TNFRSF21: variants seen among roughly 807,000 people sequenced by gnomAD.
TNFRSF21 encodes tumor necrosis factor receptor superfamily member 21.
Under a neutral mutation model 45.6 loss-of-function variants are expected in TNFRSF21, and 19 were observed. The observed-to-expected ratio is 0.42, with a 90% CI of 0.29 to 0.61. TNFRSF21 has a LOEUF of 0.61. Ranked by LOEUF, TNFRSF21 falls within the 20% of genes least tolerant of loss-of-function variation. The probability of loss-of-function intolerance (pLI) is 0.23; values close to 1 mark genes in which losing one functional copy is unlikely to be tolerated. For synonymous variants in TNFRSF21, 314 were observed against 335.5 expected, an observed-to-expected ratio of 0.94 and a Z score of 0.70; for missense variants, 737 against 851.5, an observed-to-expected ratio of 0.87 and a Z score of 1.67.
Position 47,232,892 on chromosome 6 carries a change from A to AC in TNFRSF21, c.1840dup (p.Val614GlyfsTer3). 6.2e-7 allele frequency: 1 copy of AC among 1,613,908 alleles called. No individual in the cohort carries two copies. Among genetic ancestry groups the AC allele is most frequent in the Non-Finnish European group, 8.5e-7 (1 of 1,179,992 alleles). On this transcript the variant is annotated frameshift_variant, in exon 6 of 6. Coordinates refer to ENST00000296861, the MANE Select transcript of TNFRSF21 (RefSeq NM_014452.5). LOFTEE classifies it high-confidence loss of function. ...CTCAGCCTGGGGAATCTCTTCAATC[A>AC]CCCGCAGCTCCTCAGGATTTAGAAA... is the stretch of plus-strand genomic sequence containing the variant.
At chr6:47,239,669 T>C (rs1052977042) in intron 4 of TNFRSF21, among the ~76,000 whole-genome samples, 2 of 152,098 alleles carry the variant, frequency 1.3e-5, no homozygotes, top group African/African-American at 2.4e-5. Flanking sequence ...GGAAAAAGCA[T>C]TGCAAGAAAA....
intron 3 of TNFRSF21, among the ~76,000 whole-genome samples, chr6:47,267,770 G>T (rs935880723): frequency 6.6e-6 from 1 of 152,142 alleles, no homozygotes; most frequent in Non-Finnish European, 1.5e-5. Flanking sequence ...CCATGGCATA[G>T]ACAGGACTGA....
rs9918326 is a variant in TNFRSF21, at chr6:47,242,979, G to A, written c.1510-8081C>T. ...AGTTTCGCAAACCTTTTTAAAGCTTGCCATAAGACACTGTGGAGGATGGAA... is the reference window on the plus strand; with the variant it reads ...AGTTTCGCAAACCTTTTTAAAGCTTACCATAAGACACTGTGGAGGATGGAA... On this transcript the variant is annotated intron_variant, in intron 4 of 5. Transcript: ENST00000296861. Among the ~76,000 whole-genome samples, 599 of 152,282 alleles carry A rather than the reference G, an allele frequency of 3.9e-3. 6 individuals carry two copies. The highest frequency in any genetic ancestry group is 0.013 in the African/African-American group (535 of 41,556).
intron 1 of TNFRSF21, among the ~76,000 whole-genome samples, chr6:47,296,862 C>T (rs573685668): frequency 4.3e-4 from 66 of 152,266 alleles, no homozygotes; most frequent in African/African-American, 1.3e-3. Context: ...TGGTGGTACA[C>T]GCCTGTAGTC....
At chr6:47,243,416 T>C (rs143092353) in intron 4 of TNFRSF21, among the ~76,000 whole-genome samples, 166 of 152,290 alleles carry the variant, frequency 1.1e-3, no homozygotes, top group African/African-American at 3.8e-3. Context: ...GGTGGCACAA[T>C]GTACATACTG....
rs185029274 is a variant in TNFRSF21, at chr6:47,256,685, C to T, written c.1244-3164G>A. On this transcript the variant is annotated intron_variant, in intron 3 of 5. Coordinates refer to ENST00000296861, the MANE Select transcript of TNFRSF21 (RefSeq NM_014452.5). ...CAGATACAGAGCTTTTGATTTCAAG[C>T]AAATAGACTCCTCAGAAAACCCATA... 1.2e-3 allele frequency among the ~76,000 whole-genome samples: 185 copies of T among 152,304 alleles called. 1 individual carries two copies. Among genetic ancestry groups the T allele is most frequent in the Middle Eastern group, 6.8e-3 (2 of 294 alleles).
At chr6:47,263,213 G>A (rs1762254392) in intron 3 of TNFRSF21, among the ~76,000 whole-genome samples, 1 of 152,182 alleles carries the variant, frequency 6.6e-6, no homozygotes, top group South Asian at 2.1e-4. Context: ...GCAAGTGGAA[G>A]ACAGGGGACC....
At chr6:47,276,592 A>C (rs1289224766) in intron 3 of TNFRSF21, among the ~76,000 whole-genome samples, 3 of 152,188 alleles carry the variant, frequency 2.0e-5, no homozygotes, top group Non-Finnish European at 4.4e-5. Flanking sequence ...TCTTGCAAAT[A>C]AAGCTTTGTT....
In TNFRSF21 at chr6:47,302,554, CAG is replaced by C. The variant is rs570526116; in HGVS notation, c.96+6860_96+6861del. Among the ~76,000 whole-genome samples the C allele has an allele frequency of 1.8e-3, 267 of 152,326 alleles. 1 individual carries two copies. Among genetic ancestry groups the C allele is most frequent in the African/African-American group, 3.2e-3 (134 of 41,576 alleles). ...TCTTAGCGATGGCACCCTTGCCCGTCAGAGTCACACCATAGGAAAATGCTTAC... is the reference window on the plus strand; with the variant it reads ...TCTTAGCGATGGCACCCTTGCCCGTCAGTCACACCATAGGAAAATGCTTAC... On this transcript the variant is annotated intron_variant, in intron 1 of 5. Transcript: ENST00000296861.
At chr6:47,266,567 AG>A (rs1413141658) in intron 3 of TNFRSF21, among the ~76,000 whole-genome samples, 1 of 152,226 alleles carries the variant, frequency 6.6e-6, no homozygotes, top group East Asian at 1.9e-4. Flanking sequence ...TTTGTTAAGC[AG>A]CGTTATTTCC....
At chr6:47,276,555 C>T (rs773351694) in intron 3 of TNFRSF21, among the ~76,000 whole-genome samples, 27 of 152,138 alleles carry the variant, frequency 1.8e-4, no homozygotes, top group Admixed American at 4.6e-4. Flanking sequence ...TGCTGGTAGG[C>T]GACAACCTGC....
intron 3 of TNFRSF21, among the ~76,000 whole-genome samples, chr6:47,271,473 T>C (rs537925726): frequency 6.6e-6 from 1 of 152,320 alleles, no homozygotes; most frequent in South Asian, 2.1e-4. Flanking sequence ...CTGAGAGATT[T>C]TGTCACCACC....
chr6:47,273,130 C>G lies in TNFRSF21; in HGVS notation c.1243+10808G>C, dbSNP rs565539514. Among the ~76,000 whole-genome samples the G allele has an allele frequency of 2.0e-5, 3 of 152,054 alleles. No individual in the cohort carries two copies. The South Asian group carries it at 6.2e-4, about 32-fold the overall frequency. ...TTCCTTCTGAAACTATTCCAATCAA[C>G]AGAAAAAAAGGGAATCCTCCCTAAC... On this transcript the variant is annotated intron_variant, in intron 3 of 5. Coordinates refer to ENST00000296861, the MANE Select transcript of TNFRSF21 (RefSeq NM_014452.5).
At chr6:47,283,770 T>A (rs1047406432) in intron 3 of TNFRSF21, among the ~76,000 whole-genome samples, 168 bp downstream of exon 3, 1 of 152,232 alleles carries the variant, frequency 6.6e-6, no homozygotes, top group Non-Finnish European at 1.5e-5. Context: ...AATGCATTAC[T>A]TCTAATGAGA....
intron 1 of TNFRSF21, 36 bp downstream of exon 1, chr6:47,309,380 G>A: frequency 6.6e-7 from 1 of 1,514,970 alleles, no homozygotes; most frequent in South Asian, 1.2e-5. Flanking sequence ...TTCTGCTCCG[G>A]CGCCGCCGCC....
chr6:47,241,610 C>T (rs533912235), intron 4 of TNFRSF21, among the ~76,000 whole-genome samples: 5 of 152,050 alleles, frequency 3.3e-5, no homozygotes, highest in African/African-American at 9.6e-5. Flanking sequence ...GGACTGGAAA[C>T]GTATACATAC....
intron 1 of TNFRSF21, among the ~76,000 whole-genome samples, chr6:47,309,128 C>A (rs537254775): frequency 6.6e-6 from 1 of 152,268 alleles, no homozygotes; most frequent in South Asian, 2.1e-4. Context: ...CCCTCAAATG[C>A]GCAGAAGCTG....
chr6:47,304,283 CA>C (rs1443359386), intron 1 of TNFRSF21, among the ~76,000 whole-genome samples: 1 of 105,090 alleles, frequency 9.5e-6, no homozygotes. Flanking sequence ...TTCGTGTCAC[CA>C]AAAAAAAACC....
intron 5 of TNFRSF21, 116 bp from the exon 6 acceptor site, chr6:47,233,110 T>C: frequency 2.4e-6 from 2 of 845,594 alleles, no homozygotes; most frequent in Non-Finnish European, 3.7e-6. Flanking sequence ...CAGCCTATTA[T>C]TCTCCATCCT....
Sources: gnomAD v4.1 joint callset for allele counts (sites outside exome capture counted in the v4.1 genomes callset) on GRCh38, gnomAD v4.1.1 for gene constraint, MANE v1.5 for transcripts, NCBI Gene and HGNC (gene_info 2026-07-23, HGNC 2026-07-21) for gene names.